The following BPHL variants were observed in gnomAD, a reference collection of about 807,000 sequenced individuals.
The protein encoded by BPHL is serine hydrolase BPHL.
A neutral mutation model predicts 31.2 loss-of-function variants in BPHL; 27 were observed. The ratio of observed to expected loss-of-function variants is 0.87; its 90% CI spans 0.64 to 1.19. The LOEUF (loss-of-function observed/expected upper bound fraction) is 1.19, where lower values mean the gene tolerates loss of function less well. Ranked by LOEUF, BPHL falls within the 50% of genes most tolerant of loss-of-function variation. The probability of loss-of-function intolerance (pLI) is 0.00; values close to 1 mark genes in which losing one functional copy is unlikely to be tolerated. For missense variants in BPHL, 356 were observed against 375.7 expected (o/e 0.95, Z 0.43); for synonymous variants, 150 against 146.8 (o/e 1.02, Z -0.16).
At chr6:3,146,883 G>GT (rs1456864842) in intron 6 of BPHL, among the ~76,000 whole-genome samples, 1 of 77,202 alleles carries the variant, frequency 1.3e-5, no homozygotes, top group East Asian at 4.0e-4. Flanking sequence ...GCTGGTTTGG[G>GT]CGAGTGCTGG....
Position 3,122,205 on chromosome 6 carries a change from G to C in BPHL, c.108-1452G>C, listed in dbSNP as rs555537759. 1.2e-4 allele frequency among the ~76,000 whole-genome samples: 19 copies of C among 152,282 alleles called. No homozygotes were observed. In the South Asian group the frequency reaches 3.5e-3, roughly 28 times the overall value. ...TGAGGCAGGAGAATGGTGTGAACCC[G>C]GGAGGTGGAACTTGCAGTGAGCCGA... is the stretch of plus-strand genomic sequence containing the variant. On this transcript the variant is annotated intron_variant, in intron 1 of 6. Coordinates refer to ENST00000380379, the MANE Select transcript of BPHL (RefSeq NM_004332.4).
intron 6 of BPHL, among the ~76,000 whole-genome samples, chr6:3,141,906 G>A (rs576939108): frequency 1.5e-4 from 23 of 151,884 alleles, no homozygotes; most frequent in African/African-American, 2.4e-4. Context: ...CCTGGGAGGC[G>A]GAGGTTGCAG....
intron 4 of BPHL, among the ~76,000 whole-genome samples, chr6:3,130,289 G>A (rs185909065): frequency 6.6e-6 from 1 of 152,288 alleles, no homozygotes; most frequent in East Asian, 1.9e-4. Flanking sequence ...TGCACTGGTG[G>A]TCACTACACA....
chr6:3,127,529 C>T (rs1000492058), intron 3 of BPHL, 121 bp downstream of exon 3: 12 of 838,022 alleles, frequency 1.4e-5, no homozygotes, highest in South Asian at 1.1e-4. Flanking sequence ...CTATAGAAAA[C>T]CCCAAGAGTT....
In BPHL at chr6:3,140,349, G is replaced by A. The variant is rs1332020723; in HGVS notation, c.665-37G>A. The A allele has an allele frequency of 1.2e-6, 2 of 1,612,454 alleles. No individual in the cohort carries two copies. Among genetic ancestry groups the A allele is most frequent in the Middle Eastern group, 1.7e-4 (1 of 5,894 alleles). ...CCTCCTCTGACCGCGTAGAATGGTT[G>A]CACTAAAGCAGATTCCTCGTGCTGT... On this transcript the variant is annotated intron_variant, in intron 5 of 6. Coordinates refer to ENST00000380379, the MANE Select transcript of BPHL (RefSeq NM_004332.4). This position sits in a 1 kb window ranked among gnomAD's most constrained non-coding sequence, Gnocchi z 5.2.
At chr6:3,150,777 G>T (rs1406712033) in intron 6 of BPHL, among the ~76,000 whole-genome samples, 1 of 152,198 alleles carries the variant, frequency 6.6e-6, no homozygotes, top group Non-Finnish European at 1.5e-5. Context: ...AGTGAAACCT[G>T]TGTCAGACCT....
rs143138916 is a variant in BPHL at position 3,123,806 on chromosome 6, A to G, written c.211+46A>G. On this transcript the variant is annotated intron_variant, in intron 2 of 6. Coordinates refer to ENST00000380379, the MANE Select transcript of BPHL (RefSeq NM_004332.4). ...AATGTTTTTGCATGCTGTAAAATCTATGATGCATTCACAATACTAGATGCC... is the reference window on the plus strand; with the variant it reads ...AATGTTTTTGCATGCTGTAAAATCTGTGATGCATTCACAATACTAGATGCC... 395 of 1,493,546 alleles carry G rather than the reference A, an allele frequency of 2.6e-4. 3 individuals carry two copies. The African/African-American group carries it at 5.1e-3, about 19-fold the overall frequency. The allele number at this position is 1,493,546 out of a possible 1,614,324, so 92.5% of individuals were successfully genotyped here. A position where few individuals can be genotyped will look rare whatever the true frequency, so the allele number is the denominator to read the frequency against.
At chr6:3,119,186 G>T in intron 1 of BPHL, 1 of 1,133,556 alleles carries the variant, frequency 8.8e-7, no homozygotes, top group Non-Finnish European at 1.3e-6. Context: ...CCGTGACGGA[G>T]CACGGACTAG....
At chr6:3,137,601 A>T in intron 5 of BPHL, 108 bp downstream of exon 5, 1 of 1,478,616 alleles carries the variant, frequency 6.8e-7, no homozygotes, top group South Asian at 1.2e-5. Context: ...CATCGCCCTC[A>T]CACGCTCATG....
At position 3,147,987 on chromosome 6, in the gene BPHL, AC is replaced by A. The variant is rs1336011109; in HGVS notation, c.789-4499del. ...GCTTTTAGCAGATTGGACAAGACCCACCACACTGGGGAGGGCCTCTGCCTTT... is the reference window on the plus strand; with the variant it reads ...GCTTTTAGCAGATTGGACAAGACCCACACACTGGGGAGGGCCTCTGCCTTT... On this transcript the variant is annotated intron_variant, in intron 6 of 6. Transcript: ENST00000380379. 2.0e-5 allele frequency among the ~76,000 whole-genome samples: 3 copies of A among 152,354 alleles called. No individual in the cohort carries two copies. In the East Asian group the frequency reaches 5.8e-4, roughly 29 times the overall value.
chr6:3,119,053 G>A (rs75246473), intron 1 of BPHL, among the ~76,000 whole-genome samples: 1 of 152,214 alleles, frequency 6.6e-6, no homozygotes. Context: ...TCGTGCATGC[G>A]CCTCGGTCAG....
Position 3,153,502 on chromosome 6 carries a change from G to C in BPHL, c.*927G>C. ...TCATCACTCTGTACTAAAAGGACAGGAATGTTATTAATTAAAACACTAAAG... is the reference window on the plus strand; with the variant it reads ...TCATCACTCTGTACTAAAAGGACAGCAATGTTATTAATTAAAACACTAAAG... On this transcript the variant is annotated 3_prime_UTR_variant, in exon 7 of 7. Coordinates refer to ENST00000380379, the MANE Select transcript of BPHL (RefSeq NM_004332.4). 1 of 369,250 alleles carries C rather than the reference G, an allele frequency of 2.7e-6. No homozygotes were observed. The highest frequency in any genetic ancestry group is 5.0e-6 in the Non-Finnish European group (1 of 200,410). 22.9% of individuals were successfully genotyped at this position (369,250 alleles called of 1,614,324 possible).
At chr6:3,144,747 A>T (rs888686562) in intron 6 of BPHL, among the ~76,000 whole-genome samples, 13 of 152,136 alleles carry the variant, frequency 8.5e-5, no homozygotes, top group African/African-American at 3.1e-4. Context: ...CCCATGTTGA[A>T]CACTCCACCG....
At position 3,129,098 on chromosome 6, in the gene BPHL, C is replaced by T. The variant is rs557219885; in HGVS notation, c.432C>T (p.Thr144=). Residue 144 remains threonine (T), a synonymous_variant, in exon 4 of 7, where the codon ACC becomes ACT. Transcript: ENST00000380379. ...TGGGGTGGAGTGATGGGGGCATAAC[C>T]GCACTCATTGCTGCTGCAAAATATC... is the stretch of plus-strand genomic sequence containing the variant. ...SLLGWSDGGI[T]ALIAAAKYPS... The T allele has an allele frequency of 1.1e-4, 170 of 1,613,944 alleles. 2 individuals carry two copies. The South Asian group carries it at 1.6e-3, about 15-fold the overall frequency.
intron 5 of BPHL, chr6:3,138,108 T>C: frequency 1.2e-6 from 1 of 832,024 alleles, no homozygotes; most frequent in Non-Finnish European, 1.7e-6. Flanking sequence ...AATCTCTGTC[T>C]CCTGGGTTCA....
At chr6:3,129,320 G>T in intron 4 of BPHL, 122 bp downstream of exon 4, 1 of 1,270,234 alleles carries the variant, frequency 7.9e-7, no homozygotes, top group Non-Finnish European at 1.0e-6. Flanking sequence ...TCAACTCTCA[G>T]GTAGGAAGAA....
At chr6:3,133,292 A>C (rs989555023) in intron 4 of BPHL, among the ~76,000 whole-genome samples, 2 of 151,194 alleles carry the variant, frequency 1.3e-5, no homozygotes, top group Non-Finnish European at 1.5e-5. Flanking sequence ...TCTCCCTCCC[A>C]CCAGGCTCCC....
chr6:3,137,600 C>CA, intron 5 of BPHL, 107 bp downstream of exon 5: 2 of 1,481,364 alleles, frequency 1.4e-6, no homozygotes, highest in Non-Finnish European at 1.9e-6. Flanking sequence ...CCATCGCCCT[C>CA]ACACGCTCAT....
chr6:3,145,504 GGGGTGGAGTGCTGGTTCA>G (rs1215912748), intron 6 of BPHL, among the ~76,000 whole-genome samples: 4 of 75,042 alleles, frequency 5.3e-5, no homozygotes, highest in East Asian at 3.7e-4. Flanking sequence ...GTGCTGGTTC[GGGGTGGAGTGCTGGTTCA>G]GGGTGGAGTG....
Sources: gnomAD v4.1 joint callset for allele counts (sites outside exome capture counted in the v4.1 genomes callset) on GRCh38, gnomAD v4.1.1 for gene constraint, Gnocchi (gnomAD v3.1) non-coding constraint, MANE v1.5 for transcripts, NCBI Gene and HGNC (gene_info 2026-07-23, HGNC 2026-07-21) for gene names.